NRG3: variants seen among roughly 807,000 people sequenced by gnomAD.
The protein encoded by NRG3 is pro-neuregulin-3, membrane-bound isoform.
A neutral mutation model predicts 66.9 loss-of-function variants in NRG3; 31 were observed. The ratio of observed to expected loss-of-function variants is 0.46; its 90% CI spans 0.35 to 0.63. NRG3 has a LOEUF of 0.63. Ranked by LOEUF, NRG3 falls within the 20% of genes least tolerant of loss-of-function variation. NRG3 has a pLI of 0.00. For missense variants in NRG3, 910 were observed against 878.9 expected (o/e 1.04, Z -0.45); for synonymous variants, 393 against 359.4 (o/e 1.09, Z -1.06).
At chr10:82,548,517 T>C (rs2044080930) in intron 2 of NRG3, among the ~76,000 whole-genome samples, 1 of 121,578 alleles carries the variant, frequency 8.2e-6, no homozygotes, top group Non-Finnish European at 1.7e-5. Context: ...AAATACATTC[T>C]GTCTCTCACA....
intron 2 of NRG3, among the ~76,000 whole-genome samples, chr10:82,390,333 T>C (rs530584436): frequency 1.7e-4 from 25 of 151,018 alleles, no homozygotes; most frequent in Non-Finnish European, 2.9e-4. Flanking sequence ...AGTTTGTTTG[T>C]GTTTTTTTGT....
At chr10:82,960,954 T>C (rs1850580241) in intron 6 of NRG3, among the ~76,000 whole-genome samples, 1 of 152,292 alleles carries the variant, frequency 6.6e-6, no homozygotes, top group East Asian at 1.9e-4. Context: ...ATAAACAGCC[T>C]TGTTGCTCAC....
intron 1 of NRG3, among the ~76,000 whole-genome samples, chr10:82,256,162 T>C (rs959407659): frequency 2.6e-5 from 4 of 152,186 alleles, no homozygotes; most frequent in African/African-American, 7.2e-5. Context: ...GACCTCGTGA[T>C]CCACCTGCCT....
At chr10:82,403,843 A>G (rs2087296806) in intron 2 of NRG3, among the ~76,000 whole-genome samples, 1 of 152,106 alleles carries the variant, frequency 6.6e-6, no homozygotes, top group South Asian at 2.1e-4. Flanking sequence ...TTGGACATAC[A>G]ATTCCAAATC....
chr10:82,546,700 A>G (rs1311661299), intron 2 of NRG3, among the ~76,000 whole-genome samples: 3 of 152,208 alleles, frequency 2.0e-5, no homozygotes, highest in African/African-American at 7.2e-5. Context: ...CCAATCATCC[A>G]TCTTCACTTA....
rs77725520 is a variant in NRG3 at position 82,357,797 on chromosome 10, C to G, written c.824-942C>G. On this transcript the variant is annotated intron_variant, in intron 1 of 8. Coordinates refer to ENST00000372141, the MANE Select transcript of NRG3 (RefSeq NM_001010848.4). The stretch of plus-strand genomic sequence containing the variant: ...TTTGGGAGACACATTAAAACAAGAG[C>G]GGTTAATAAGCTGGTATAATATCCC... Among the ~76,000 whole-genome samples the G allele has an allele frequency of 5.3e-5, 8 of 152,180 alleles. No homozygotes were observed. In the South Asian group the frequency reaches 1.7e-3, roughly 32 times the overall value.
chr10:82,388,915 G>A lies in NRG3; in HGVS notation c.953+30047G>A, dbSNP rs558217643. On this transcript the variant is annotated intron_variant, in intron 2 of 8. Transcript: ENST00000372141. ...TTTCGAATTCTATCCCATACCTGCC[G>A]AGTCAGTGGGCCTTGGAAAGGAGCC... is the stretch of plus-strand genomic sequence containing the variant. 3.9e-5 allele frequency among the ~76,000 whole-genome samples: 6 copies of A among 152,220 alleles called. No individual in the cohort carries two copies. The East Asian group carries it at 9.7e-4, about 25-fold the overall frequency.
intron 1 of NRG3, among the ~76,000 whole-genome samples, chr10:81,910,984 A>G (rs372869463): frequency 3.1e-4 from 47 of 152,272 alleles, no homozygotes; most frequent in East Asian, 5.8e-4. Context: ...GAATTTTTCC[A>G]TAAGATTTCT....
At position 81,983,678 on chromosome 10, in the gene NRG3, TTAAAG is replaced by T. The variant is rs2060418791; in HGVS notation, c.823+107518_823+107522del. On this transcript the variant is annotated intron_variant, in intron 1 of 8. Transcript: ENST00000372141. ...TTCACCAAGGGTATCATAATCTAAT[TTAAAG>T]TATTTTTTCCTCTTGTAGAAATACC... Among the ~76,000 whole-genome samples, 3 of 152,332 alleles carry T rather than the reference TTAAAG, an allele frequency of 2.0e-5. No homozygotes were observed. In the South Asian group the frequency reaches 6.2e-4, roughly 32 times the overall value.
intron 2 of NRG3, among the ~76,000 whole-genome samples, chr10:82,516,962 A>C (rs190157223): frequency 6.6e-6 from 1 of 152,328 alleles, no homozygotes; most frequent in Admixed American, 6.5e-5. Flanking sequence ...TCACCAGTAA[A>C]GCATATATGA....
intron 1 of NRG3, among the ~76,000 whole-genome samples, chr10:82,018,049 A>G (rs1188643569): frequency 2.0e-5 from 3 of 152,056 alleles, no homozygotes; most frequent in Non-Finnish European, 4.4e-5. Context: ...GCTTTCTTCT[A>G]GGGTTTTTAT....
At chr10:82,449,477 G>A (rs1029570563) in intron 2 of NRG3, among the ~76,000 whole-genome samples, 1 of 152,160 alleles carries the variant, frequency 6.6e-6, no homozygotes, top group Admixed American at 6.5e-5. Context: ...GCTTGCGGCT[G>A]GTCTGGCTTC....
chr10:82,405,783 C>T (rs1385614612), intron 2 of NRG3, among the ~76,000 whole-genome samples: 3 of 152,136 alleles, frequency 2.0e-5, no homozygotes, highest in Non-Finnish European at 2.9e-5. Flanking sequence ...TGATCTCATT[C>T]TTTTTGCTTA....
Position 82,543,684 on chromosome 10 carries a change from C to A in NRG3, c.953+184816C>A, listed in dbSNP as rs148334826. On this transcript the variant is annotated intron_variant, in intron 2 of 8. Coordinates refer to ENST00000372141, the MANE Select transcript of NRG3 (RefSeq NM_001010848.4). ...ACCTTATTTACATTTATAATAGTTC[C>A]AAGAGGTAAGTTTTTGTATATGCAT... Among the ~76,000 whole-genome samples the A allele has an allele frequency of 2.7e-3, 408 of 152,132 alleles. 1 individual carries two copies. Among genetic ancestry groups the A allele is most frequent in the African/African-American group, 9.4e-3 (390 of 41,494 alleles).
chr10:82,503,865 A>G (rs1363887598), intron 2 of NRG3, among the ~76,000 whole-genome samples: 1 of 152,144 alleles, frequency 6.6e-6, no homozygotes, highest in Admixed American at 6.6e-5. Context: ...TTGTTCAGTC[A>G]CTACACTTCA....
chr10:82,324,172 T>A (rs952622139), intron 1 of NRG3, among the ~76,000 whole-genome samples: 3 of 152,150 alleles, frequency 2.0e-5, no homozygotes, highest in Non-Finnish European at 4.4e-5. Flanking sequence ...GCCAAGTAAT[T>A]TTTCTGTTTC....
At chr10:82,622,675 A>T (rs574145248) in intron 2 of NRG3, among the ~76,000 whole-genome samples, 2 of 152,316 alleles carry the variant, frequency 1.3e-5, no homozygotes, top group East Asian at 3.9e-4. Context: ...AGTGAGCCAC[A>T]GCTCCCAGCC....
chr10:82,806,303 T>C (rs533425185), intron 3 of NRG3, among the ~76,000 whole-genome samples: 3 of 152,350 alleles, frequency 2.0e-5, no homozygotes, highest in African/African-American at 7.2e-5. Flanking sequence ...GGCCTGAAAT[T>C]ATGCCCGATT....
chr10:82,150,411 C>T (rs1019550342), intron 1 of NRG3, among the ~76,000 whole-genome samples: 7 of 151,840 alleles, frequency 4.6e-5, no homozygotes, highest in East Asian at 1.9e-4. Flanking sequence ...AGCATCCCCC[C>T]GCCAACTCCG....
Sources: allele counts gnomAD v4.1 joint callset (sites outside exome capture counted in the v4.1 genomes callset), GRCh38; gene constraint gnomAD v4.1.1; transcripts MANE v1.5; gene names NCBI Gene and HGNC (gene_info 2026-07-23, HGNC 2026-07-21).